Variants in HMBOX1 observed in about 807,000 individuals in gnomAD.
The protein encoded by HMBOX1 is homeobox containing 1.
In HMBOX1, 14 loss-of-function variants were observed where a neutral mutation model predicts 54.5. That is an observed-to-expected ratio of 0.26 (90% CI 0.17 to 0.40). The LOEUF (loss-of-function observed/expected upper bound fraction) is 0.40. HMBOX1 is among the 10% of genes least tolerant of loss of function. The pLI is 1.00. For missense variants in HMBOX1, 332 were observed against 514.4 expected, an observed-to-expected ratio of 0.65 and a Z score of 3.43; for synonymous variants, 160 against 181.0, an observed-to-expected ratio of 0.88 and a Z score of 0.93.
chr8:28,955,190 T>G lies in HMBOX1; in HGVS notation c.-57-8621T>G, dbSNP rs149599386. On this transcript the variant is annotated intron_variant, in intron 1 of 9. Coordinates refer to ENST00000287701, the MANE Select transcript of HMBOX1 (RefSeq NM_001135726.3). Reference sequence around the variant, plus strand: ...ACATGTATATATGTAAATGTGGCCATATGCTTTTTAAAAAGTATAGTCTCT... The same window carrying G: ...ACATGTATATATGTAAATGTGGCCAGATGCTTTTTAAAAAGTATAGTCTCT... Among the ~76,000 whole-genome samples, 359 of 152,248 alleles carry G rather than the reference T, an allele frequency of 2.4e-3. 7 individuals carry two copies. The highest frequency in any genetic ancestry group is 0.022 in the Admixed American group (338 of 15,304).
chr8:28,898,722 C>T (rs998769219), intron 1 of HMBOX1, among the ~76,000 whole-genome samples: 1 of 152,096 alleles, frequency 6.6e-6, no homozygotes, highest in African/African-American at 2.4e-5. Flanking sequence ...ATTTGATTTG[C>T]CATGGTGTTG....
At chr8:28,952,752 G>A (rs1422595045) in intron 1 of HMBOX1, among the ~76,000 whole-genome samples, 4 of 152,186 alleles carry the variant, frequency 2.6e-5, no homozygotes, top group East Asian at 3.8e-4. Flanking sequence ...AAGGCTACAC[G>A]AGTATCTATA....
chr8:29,013,551 A>G (rs1834506922), intron 5 of HMBOX1, among the ~76,000 whole-genome samples: 1 of 152,236 alleles, frequency 6.6e-6, no homozygotes, highest in Admixed American at 6.5e-5. Context: ...TATTTAGGTT[A>G]ATTTTACTGA....
At chr8:28,923,133 G>T (rs556656123) in intron 1 of HMBOX1, among the ~76,000 whole-genome samples, 1 of 152,248 alleles carries the variant, frequency 6.6e-6, no homozygotes, top group African/African-American at 2.4e-5. Context: ...TTTTCATCTA[G>T]GGTTCAGTTT....
chr8:29,021,963 A>G (rs1205557034), intron 6 of HMBOX1, among the ~76,000 whole-genome samples: 1 of 150,446 alleles, frequency 6.6e-6, no homozygotes, highest in Non-Finnish European at 1.5e-5. Flanking sequence ...CAAAAATCCA[A>G]AAGTTTGGCA....
intron 1 of HMBOX1, among the ~76,000 whole-genome samples, chr8:28,958,970 A>T (rs932045334): frequency 4.6e-5 from 7 of 152,172 alleles, no homozygotes; most frequent in Non-Finnish European, 1.0e-4. Flanking sequence ...GTGGTATACA[A>T]TGGACCCCCC....
intron 1 of HMBOX1, among the ~76,000 whole-genome samples, chr8:28,917,403 T>C (rs1488743527): frequency 6.6e-6 from 1 of 152,216 alleles, no homozygotes; most frequent in Non-Finnish European, 1.5e-5. Context: ...ATATTATCCT[T>C]GTATCTTATA....
At chr8:29,008,908 A>C (rs538827315) in intron 4 of HMBOX1, among the ~76,000 whole-genome samples, 164 bp from the exon 5 acceptor site, 1 of 152,354 alleles carries the variant, frequency 6.6e-6, no homozygotes, top group African/African-American at 2.4e-5. Context: ...TAGCCAGTGC[A>C]GTCAGTCTTT....
At chr8:28,920,901 AC>A (rs1260075850) in intron 1 of HMBOX1, among the ~76,000 whole-genome samples, 6 of 152,230 alleles carry the variant, frequency 3.9e-5, no homozygotes, top group African/African-American at 1.4e-4. Flanking sequence ...AGAATAACAT[AC>A]TCTAACATAA....
chr8:28,969,861 T>G (rs1005607100), intron 2 of HMBOX1, among the ~76,000 whole-genome samples, 182 bp from the exon 3 acceptor site: 3 of 152,208 alleles, frequency 2.0e-5, no homozygotes, highest in African/African-American at 7.2e-5. Context: ...GTTCACCTAC[T>G]AATACATTTA....
chr8:28,915,093 A>C (rs1262485683), intron 1 of HMBOX1, among the ~76,000 whole-genome samples: 1 of 152,200 alleles, frequency 6.6e-6, no homozygotes, highest in Admixed American at 6.5e-5. Context: ...AGATGTCATC[A>C]GTAATCTTTG....
At chr8:28,934,777 A>G (rs1385632860) in intron 1 of HMBOX1, among the ~76,000 whole-genome samples, 2 of 152,050 alleles carry the variant, frequency 1.3e-5, no homozygotes, top group Non-Finnish European at 2.9e-5. Flanking sequence ...TACAAGAAAA[A>G]TTAGCTGGGC....
chr8:28,914,619 A>G (rs562119573), intron 1 of HMBOX1, among the ~76,000 whole-genome samples: 14 of 152,356 alleles, frequency 9.2e-5, no homozygotes, highest in African/African-American at 1.4e-4. Context: ...GCAGACAGCC[A>G]TGACAGCTAA....
intron 1 of HMBOX1, among the ~76,000 whole-genome samples, chr8:28,946,140 A>G (rs933227707): frequency 6.6e-6 from 1 of 151,700 alleles, no homozygotes; most frequent in Admixed American, 6.6e-5. Flanking sequence ...TTTAGTAGAG[A>G]TGGGGTTTCA....
chr8:29,031,379 T>C (rs927274957), intron 6 of HMBOX1, among the ~76,000 whole-genome samples: 1 of 152,102 alleles, frequency 6.6e-6, no homozygotes, highest in South Asian at 2.1e-4. Context: ...CTATGTAAAT[T>C]TGAAGAAAAT....
At chr8:28,942,860 G>A (rs1268894809) in intron 1 of HMBOX1, among the ~76,000 whole-genome samples, 1 of 152,132 alleles carries the variant, frequency 6.6e-6, no homozygotes, top group Non-Finnish European at 1.5e-5. Context: ...TGTATCTGTA[G>A]CATAAATCTC....
chr8:28,991,156 T>C (rs1321460903), intron 4 of HMBOX1, among the ~76,000 whole-genome samples: 1 of 152,220 alleles, frequency 6.6e-6, no homozygotes, highest in Non-Finnish European at 1.5e-5. Context: ...ATTTACTACC[T>C]GGATCTTAGG....
intron 1 of HMBOX1, among the ~76,000 whole-genome samples, chr8:28,941,355 T>A (rs1173339640): frequency 6.6e-6 from 1 of 152,212 alleles, no homozygotes; most frequent in Admixed American, 6.5e-5. Context: ...ACAAAATAAC[T>A]CTATATTGGG....
chr8:28,936,110 A>T (rs1057092934), intron 1 of HMBOX1, among the ~76,000 whole-genome samples: 2 of 152,124 alleles, frequency 1.3e-5, no homozygotes, highest in African/African-American at 4.8e-5. Context: ...GAAAAATGCT[A>T]AGTATGAAAA....
Sources: gnomAD v4.1 joint callset for allele counts (sites outside exome capture counted in the v4.1 genomes callset) on GRCh38, gnomAD v4.1.1 for gene constraint, MANE v1.5 for transcripts, NCBI Gene and HGNC (gene_info 2026-07-23, HGNC 2026-07-21) for gene names.